C9orf50: variants seen among roughly 807,000 people sequenced by gnomAD.
C9orf50 encodes chromosome 9 open reading frame 50.
In C9orf50, 33 loss-of-function variants were observed where a neutral mutation model predicts 42.5. The ratio of observed to expected loss-of-function variants is 0.78; its 90% CI spans 0.59 to 1.04. The LOEUF is 1.04. Among genes scored for constraint, C9orf50 ranks in the 50% least tolerant of loss-of-function variants. The pLI, the probability that C9orf50 is intolerant of heterozygous loss-of-function variation, is 0.00. For missense variants in C9orf50, 547 were observed against 594.3 expected (o/e 0.92, Z 0.83); for synonymous variants, 257 against 273.4 (o/e 0.94, Z 0.59).
At chr9:129,619,436 C>T (rs908341837) in intron 3 of C9orf50, 84 bp downstream of exon 3, 2 of 957,890 alleles carry the variant, frequency 2.1e-6, no homozygotes, top group African/African-American at 3.3e-5. Context: ...TAAATGAATA[C>T]ATTCATGGGC....
chr9:129,613,482 G>T lies in C9orf50; in HGVS notation c.996C>A (p.Ala332=). ...AGGAGCTGGCCAGGGTCTCCTCCTT[G>T]GCCCCAGGGTACAGGGCTTTGGGCA... Residue 332 remains alanine (A), a synonymous_variant, in exon 5 of 7, where the codon GCC becomes GCA. Coordinates refer to ENST00000372478, the Ensembl canonical transcript of C9orf50. This position sits in a 1 kb window ranked among gnomAD's most constrained non-coding sequence, Gnocchi z 6.2. The T allele has an allele frequency of 2.5e-6, 4 of 1,614,094 alleles. No homozygotes were observed. In the South Asian group the frequency reaches 4.4e-5, roughly 18 times the overall value.
At position 129,620,449 on chromosome 9, in the gene C9orf50, C is replaced by A; in HGVS notation, c.126G>T (p.Ala42=). Residue 42 remains alanine, a synonymous_variant, in exon 1 of 7, where the codon GCG becomes GCT. Coordinates refer to ENST00000372478, the Ensembl canonical transcript of C9orf50. The surrounding 1 kb of genome is among the most constrained non-coding windows in gnomAD (Gnocchi z 5.8). ...CCCCGGAGCCCCGCGCGCCCAGAGC[C>A]GCTCGGAGCGCGGGCGGGGTCAGCT... 1 of 1,315,112 alleles carries A rather than the reference C, an allele frequency of 7.6e-7. No individual in the cohort carries two copies. The highest frequency in any genetic ancestry group is 9.7e-7 in the Non-Finnish European group (1 of 1,030,396). 81.5% of individuals were successfully genotyped at this position (1,315,112 alleles called of 1,614,324 possible). A position where few individuals can be genotyped will look rare whatever the true frequency, so the allele number is the denominator to read the frequency against.
At chr9:129,615,404 A>G in intron 4 of C9orf50, 80 bp downstream of exon 4, 1 of 1,414,290 alleles carries the variant, frequency 7.1e-7, no homozygotes, top group South Asian at 1.4e-5. Flanking sequence ...CCCTCACTCT[A>G]GGGGCCCGGA....
In C9orf50 at chr9:129,615,937, T is replaced by C. The variant is rs186486985; in HGVS notation, c.717-290A>G. Among the ~76,000 whole-genome samples the C allele has an allele frequency of 2.2e-3, 334 of 152,348 alleles. 4 individuals are homozygous for C. Among genetic ancestry groups the C allele is most frequent in the Admixed American group, 0.019 (298 of 15,298 alleles). ...AGGCACAGAGACTATTCCAAGGCGA[T>C]GCAGCTGTCAGGCATGGAGCCAAGA... On this transcript the variant is annotated intron_variant, in intron 3 of 6. Coordinates refer to ENST00000372478, the Ensembl canonical transcript of C9orf50.
Position 129,620,105 on chromosome 9 carries a change from T to C in C9orf50, c.470A>G (p.Gln157Arg), listed in dbSNP as rs1830606099. 1 of 1,450,930 alleles carries C rather than the reference T, an allele frequency of 6.9e-7. No homozygotes were observed. Among genetic ancestry groups the C allele is most frequent in the Non-Finnish European group, 9.1e-7 (1 of 1,099,572 alleles). 89.9% of individuals were successfully genotyped at this position (1,450,930 alleles called of 1,614,324 possible). ...CTCCTCGGCGCACTTCTCCTGGAGCTGGTGCAGGAACTCACGGAACCTGCT... is the reference window on the plus strand; with the variant it reads ...CTCCTCGGCGCACTTCTCCTGGAGCCGGTGCAGGAACTCACGGAACCTGCT... The change falls in exon 1 of 7, where the codon CAG becomes CGG. Residue 157 changes from glutamine to arginine, a missense_variant. Gln to Arg is a conservative substitution (Grantham distance 43). Transcript: ENST00000372478. The surrounding 1 kb of genome is among the most constrained non-coding windows in gnomAD (Gnocchi z 5.8).
At chr9:129,619,902 G>T (rs1588124085) in intron 1 of C9orf50, 72 bp from the exon 2 acceptor site, 1 of 1,544,904 alleles carries the variant, frequency 6.5e-7, no homozygotes, top group East Asian at 2.3e-5. Context: ...GCCTCGGGGT[G>T]ATGGCAGACC....
chr9:129,617,834 C>A (rs1402148618), intron 3 of C9orf50, among the ~76,000 whole-genome samples: 4 of 152,150 alleles, frequency 2.6e-5, no homozygotes, highest in Non-Finnish European at 5.9e-5. Context: ...CAGGCATGCA[C>A]CACCACGCCC....
rs370300951 is a variant in C9orf50 at position 129,613,442 on chromosome 9, C to T, written c.1036G>A (p.Ala346Thr). ...GCTTCCCTGGAGCCTCACAGGCCAG[C>T]GCAGTCCCAACACGAGGAGCTGGCC... The change falls in exon 5 of 7, where the codon GCT (alanine) becomes ACT (threonine). Residue 346 changes from alanine (A) to threonine (T), a missense_variant. By Grantham distance (58) the Ala-to-Thr change is moderately conservative. Around this residue, in one of 3 missense-constraint regions of C9orf50, gnomAD observed 334 missense variants for 323.7 expected, o/e 1.03. Transcript: ENST00000372478. This position sits in a 1 kb window ranked among gnomAD's most constrained non-coding sequence, Gnocchi z 6.2. 7.4e-6 allele frequency: 12 copies of T among 1,613,714 alleles called. No homozygotes were observed. In the East Asian group the frequency reaches 1.1e-4, roughly 15 times the overall value.
intron 2 of C9orf50, 29 bp from the exon 3 acceptor site, chr9:129,619,665 T>G: frequency 6.2e-7 from 1 of 1,610,838 alleles, no homozygotes; most frequent in South Asian, 1.1e-5. Flanking sequence ...ACATCTGGCA[T>G]GAGTGGCCAG....
chr9:129,620,501 CG>C lies in C9orf50; in HGVS notation c.73del (p.Arg25AspfsTer11). The C allele has an allele frequency of 1.4e-6, 2 of 1,425,986 alleles. No individual in the cohort carries two copies. Among genetic ancestry groups the C allele is most frequent in the South Asian group, 1.4e-5 (1 of 69,056 alleles). The allele number at this position is 1,425,986 out of a possible 1,614,324, so 88.3% of individuals were successfully genotyped here. ...GGGCAGCCGCGGGTCGCTGCTGCGT[CG>C]GAAGTCTCCGTCGCCAGGGAGCCCC... On this transcript the variant is annotated frameshift_variant, in exon 1 of 7. Coordinates refer to ENST00000372478, the Ensembl canonical transcript of C9orf50. LOFTEE classifies it high-confidence loss of function. This position sits in a 1 kb window ranked among gnomAD's most constrained non-coding sequence, Gnocchi z 5.8.
chr9:129,617,431 G>A (rs377451327), intron 3 of C9orf50, among the ~76,000 whole-genome samples: 3 of 152,146 alleles, frequency 2.0e-5, no homozygotes, highest in African/African-American at 7.2e-5. Context: ...TTCACTCGAG[G>A]GCCACTGGAG....
Position 129,613,221 on chromosome 9 carries a change from A to T in C9orf50, c.1074T>A (p.Ser358=). ...GGCTGCTGTTCATGGAGGTGTCCTC[A>T]GAAAGGTAGCCCTGTGTCTTCTGGG... The change falls in exon 6 of 7, where the codon TCT becomes TCA. Residue 358 remains serine, a synonymous_variant. Transcript: ENST00000372478. This position sits in a 1 kb window ranked among gnomAD's most constrained non-coding sequence, Gnocchi z 6.2. The T allele has an allele frequency of 6.2e-7, 1 of 1,612,688 alleles. No homozygotes were observed. Among genetic ancestry groups the T allele is most frequent in the South Asian group, 1.1e-5 (1 of 91,064 alleles).
rs778727029 is a variant in C9orf50 at position 129,620,673 on chromosome 9, C to T, written c.-99G>A. ...ATAGTCCAGCCCCAGGCCATAGTGC[C>T]CCGGGCGGGGCAGCGCGGTGCGGGG... On this transcript the variant is annotated 5_prime_UTR_variant, in exon 1 of 7. Coordinates refer to ENST00000372478, the Ensembl canonical transcript of C9orf50. The surrounding 1 kb of genome is among the most constrained non-coding windows in gnomAD (Gnocchi z 5.8). 5.5e-5 allele frequency: 62 copies of T among 1,134,676 alleles called. No homozygotes were observed. Among genetic ancestry groups the T allele is most frequent in the South Asian group, 8.6e-5 (2 of 23,222 alleles). 70.3% of individuals were successfully genotyped at this position (1,134,676 alleles called of 1,614,324 possible).
intron 4 of C9orf50, 50 bp downstream of exon 4, chr9:129,615,434 C>A: frequency 6.6e-7 from 1 of 1,512,356 alleles, no homozygotes; most frequent in South Asian, 1.3e-5. Context: ...TCTCTGCCCT[C>A]CTGGCTAGAA....
chr9:129,620,344 C>T lies in C9orf50; in HGVS notation c.231G>A (p.Pro77=). 3 of 1,228,662 alleles carry T rather than the reference C, an allele frequency of 2.4e-6. No homozygotes were observed. Among genetic ancestry groups the T allele is most frequent in the Admixed American group, 8.6e-5 (2 of 23,306 alleles). 76.1% of individuals were successfully genotyped at this position (1,228,662 alleles called of 1,614,324 possible). The change falls in exon 1 of 7, where the codon CCG becomes CCA. Residue 77 remains proline (P), a synonymous_variant. Coordinates refer to ENST00000372478, the Ensembl canonical transcript of C9orf50. This position sits in a 1 kb window ranked among gnomAD's most constrained non-coding sequence, Gnocchi z 5.8. ...CGGTGAGCAAGGCGGGCAGGCGCGG[C>T]GGGAGGCGTCCGACGCCCACCCCGG...
chr9:129,616,253 T>C (rs1278552323), intron 3 of C9orf50, among the ~76,000 whole-genome samples: 1 of 152,234 alleles, frequency 6.6e-6, no homozygotes, highest in South Asian at 2.1e-4. Context: ...TCTCGCTCTG[T>C]GGCTCAGGCT....
rs575495973 is a variant in C9orf50 at position 129,613,344 on chromosome 9, C to T, written c.1043+91G>A. 111 of 1,568,876 alleles carry T rather than the reference C, an allele frequency of 7.1e-5. No homozygotes were observed. Among genetic ancestry groups the T allele is most frequent in the Middle Eastern group, 7.1e-4 (4 of 5,660 alleles). On this transcript the variant is annotated intron_variant, in intron 5 of 6. Coordinates refer to ENST00000372478, the Ensembl canonical transcript of C9orf50. This position sits in a 1 kb window ranked among gnomAD's most constrained non-coding sequence, Gnocchi z 6.2. ...CCCTTGAGGACCCACACTGGCAACCCGCCTGCTGCTGGGTGGGGAGGTCTG... is the reference window on the plus strand; with the variant it reads ...CCCTTGAGGACCCACACTGGCAACCTGCCTGCTGCTGGGTGGGGAGGTCTG...
At chr9:129,612,957 C>T (rs552317021) in intron 6 of C9orf50, 150 bp downstream of exon 6, 29 of 931,944 alleles carry the variant, frequency 3.1e-5, no homozygotes, top group South Asian at 1.8e-4. Flanking sequence ...GAACACAGGG[C>T]GTGGCCACTG....
intron 3 of C9orf50, among the ~76,000 whole-genome samples, chr9:129,617,206 A>G (rs1005822159): frequency 4.6e-5 from 7 of 152,298 alleles, no homozygotes; most frequent in African/African-American, 1.7e-4. Context: ...CATTCATCTG[A>G]CCACATCTGT....
Sources: allele counts gnomAD v4.1 joint callset (sites outside exome capture counted in the v4.1 genomes callset), GRCh38; gene constraint gnomAD v4.1.1; regional missense constraint gnomAD v4.1.1; non-coding constraint Gnocchi (gnomAD v3.1); transcripts MANE v1.5; gene names NCBI Gene and HGNC (gene_info 2026-07-23, HGNC 2026-07-21).